Variants in GRM4 observed in about 807,000 individuals in gnomAD.
GRM4 encodes metabotropic glutamate receptor 4.
GRM4 carries 28 observed loss-of-function variants against 81.7 expected under a neutral mutation model. The ratio of observed to expected loss-of-function variants is 0.34; its 90% CI spans 0.25 to 0.47. The LOEUF is 0.47. Among genes scored for constraint, GRM4 ranks in the 20% least tolerant of loss-of-function variants. The pLI is 1.00. For synonymous variants in GRM4, 488 were observed against 528.8 expected, an observed-to-expected ratio of 0.92 and a Z score of 1.06; for missense variants, 948 against 1,290.0, an observed-to-expected ratio of 0.73 and a Z score of 4.06.
At position 34,070,098 on chromosome 6, in the gene GRM4, C is replaced by T. The variant is rs1352761969; in HGVS notation, c.737-8070G>A. ...GCCAGCATGGGCGTGAGGGCAGAGG[C>T]TCTGTAGGAGTTGGAGGTGAACACT... On this transcript the variant is annotated intron_variant, in intron 3 of 10. Coordinates refer to ENST00000538487, the MANE Select transcript of GRM4 (RefSeq NM_000841.4). The surrounding 1 kb of genome is among the most constrained non-coding windows in gnomAD (Gnocchi z 4.6). Among the ~76,000 whole-genome samples the T allele has an allele frequency of 1.3e-5, 2 of 152,244 alleles. No homozygotes were observed. The highest frequency in any genetic ancestry group is 4.8e-5 in the African/African-American group (2 of 41,554).
rs190041478 is a variant in GRM4 at position 34,068,795 on chromosome 6, A to T, written c.737-6767T>A. The stretch of plus-strand genomic sequence containing the variant: ...CTTGGACACTGGGCTCCAGACAAGG[A>T]AGGAGAAAAATCCTCCTCCAGACCC... On this transcript the variant is annotated intron_variant, in intron 3 of 10. Transcript: ENST00000538487. The surrounding 1 kb of genome is among the most constrained non-coding windows in gnomAD (Gnocchi z 4.2). 1.2e-4 allele frequency among the ~76,000 whole-genome samples: 18 copies of T among 152,184 alleles called. No individual in the cohort carries two copies. The East Asian group carries it at 3.5e-3, about 29-fold the overall frequency.
chr6:34,124,845 C>A (rs754723792), intron 2 of GRM4, among the ~76,000 whole-genome samples: 3 of 152,118 alleles, frequency 2.0e-5, no homozygotes, highest in East Asian at 1.9e-4. Context: ...GAGGACCCCC[C>A]CCTAGACTCA....
chr6:34,145,692 G>A (rs1003828490), intron 1 of GRM4, among the ~76,000 whole-genome samples: 1 of 152,218 alleles, frequency 6.6e-6, no homozygotes, highest in African/African-American at 2.4e-5. Context: ...GGGCGAGGGG[G>A]CCGCAGCCGC....
chr6:34,112,211 C>A (rs550953662), intron 2 of GRM4, among the ~76,000 whole-genome samples: 1 of 152,310 alleles, frequency 6.6e-6, no homozygotes, highest in South Asian at 2.1e-4. Flanking sequence ...GGTTATTTAT[C>A]CAACGAGCGA....
At chr6:34,153,460 C>G (rs979612082) in intron 1 of GRM4, among the ~76,000 whole-genome samples, 8 of 152,278 alleles carry the variant, frequency 5.3e-5, no homozygotes, top group Non-Finnish European at 1.2e-4. Context: ...TGCTCCCCAC[C>G]TGTTGACAAA....
rs879579000 is a variant in GRM4 at position 34,069,202 on chromosome 6, ACACG to A, written c.737-7178_737-7175del. ...CACACACACACACACACACACACAC[ACACG>A]CACGCACACACGGCTCCTTCCTTCT... On this transcript the variant is annotated intron_variant, in intron 3 of 10. Transcript: ENST00000538487. The surrounding 1 kb of genome is among the most constrained non-coding windows in gnomAD (Gnocchi z 6.4). 0.028 allele frequency among the ~76,000 whole-genome samples: 3,923 copies of A among 142,182 alleles called. 127 individuals carry two copies. Among genetic ancestry groups the A allele is most frequent in the African/African-American group, 0.081 (2,850 of 35,028 alleles). 93.3% of individuals were successfully genotyped at this position (142,182 alleles called of 152,430 possible). A position where few individuals can be genotyped will look rare whatever the true frequency, so the allele number is the denominator to read the frequency against.
intron 9 of GRM4, 48 bp from the exon 10 acceptor site, chr6:34,028,414 G>A: frequency 6.4e-7 from 1 of 1,574,630 alleles, no homozygotes; most frequent in Non-Finnish European, 8.6e-7. Flanking sequence ...CCCGACTGAG[G>A]GCCCTGACTC....
chr6:34,057,495 C>T (rs1024476918), intron 5 of GRM4, among the ~76,000 whole-genome samples: 6 of 152,210 alleles, frequency 3.9e-5, no homozygotes, highest in Non-Finnish European at 5.9e-5. Context: ...GCACTGTGGA[C>T]GCTCTGGGCG....
chr6:34,047,152 T>C lies in GRM4; in HGVS notation c.1169-6404A>G, dbSNP rs1321771002. 6.6e-6 allele frequency among the ~76,000 whole-genome samples: 1 copy of C among 152,096 alleles called. No individual in the cohort carries two copies. The highest frequency in any genetic ancestry group is 2.1e-4 in the South Asian group (1 of 4,826). On this transcript the variant is annotated intron_variant, in intron 6 of 10. Transcript: ENST00000538487. This position sits in a 1 kb window ranked among gnomAD's most constrained non-coding sequence, Gnocchi z 4.5. ...ACTGAGGGAGATGCAACACCATGTC[T>C]TGTGCACAGAAGTCCTCTCTCAGCC...
intron 2 of GRM4, among the ~76,000 whole-genome samples, chr6:34,101,771 A>G (rs1290025992): frequency 6.6e-6 from 1 of 152,264 alleles, no homozygotes; most frequent in Non-Finnish European, 1.5e-5. Context: ...CATAATTATT[A>G]ATTTCATGCT....
intron 1 of GRM4, among the ~76,000 whole-genome samples, chr6:34,140,980 G>A (rs932035082): frequency 6.6e-6 from 1 of 152,246 alleles, no homozygotes; most frequent in Non-Finnish European, 1.5e-5. Context: ...GAGGCAGTGA[G>A]TGATACCTGA....
chr6:34,026,006 G>A (rs918556226), intron 10 of GRM4, among the ~76,000 whole-genome samples: 4 of 152,144 alleles, frequency 2.6e-5, no homozygotes, highest in Admixed American at 6.5e-5. Flanking sequence ...GAGCCCACCC[G>A]GTGCTGACAA....
At chr6:34,061,733 G>A (rs1020839365) in intron 4 of GRM4, 160 bp downstream of exon 4, 1 of 680,164 alleles carries the variant, frequency 1.5e-6, no homozygotes. Context: ...GCTCTAGCCT[G>A]TGGGTCTCCC....
chr6:34,127,888 C>T (rs1344354976), intron 2 of GRM4, among the ~76,000 whole-genome samples: 3 of 152,160 alleles, frequency 2.0e-5, no homozygotes, highest in African/African-American at 4.8e-5. Context: ...GCCACGTCCT[C>T]GACAGAACAT....
At chr6:34,099,899 C>T (rs1005251138) in intron 2 of GRM4, 5 of 202,690 alleles carry the variant, frequency 2.5e-5, no homozygotes, top group Admixed American at 6.5e-5. Context: ...CCTTCAATAC[C>T]GCCTTCCCCA....
chr6:34,053,769 C>T (rs1029456088), intron 6 of GRM4, among the ~76,000 whole-genome samples: 2 of 152,196 alleles, frequency 1.3e-5, no homozygotes, highest in Non-Finnish European at 2.9e-5. Context: ...CAAATTAAAC[C>T]GGAATGTCTA....
chr6:34,131,178 A>T (rs989024726), intron 2 of GRM4, among the ~76,000 whole-genome samples: 2 of 152,162 alleles, frequency 1.3e-5, no homozygotes, highest in African/African-American at 4.8e-5. Flanking sequence ...CCATTCCCAA[A>T]CCATCCTGCC....
rs984787335 is a variant in GRM4 at position 34,094,827 on chromosome 6, G to A, written c.520-2728C>T. On this transcript the variant is annotated intron_variant, in intron 2 of 10. Coordinates refer to ENST00000538487, the MANE Select transcript of GRM4 (RefSeq NM_000841.4). Reference sequence around the variant, plus strand: ...AGGGCTCAACCCGGGCCACACAGCCGGCGGCAAATGGAAACAGAGGCCCCC... The same window carrying A: ...AGGGCTCAACCCGGGCCACACAGCCAGCGGCAAATGGAAACAGAGGCCCCC... Among the ~76,000 whole-genome samples the A allele has an allele frequency of 6.6e-5, 10 of 152,100 alleles. No individual in the cohort carries two copies. In the East Asian group the frequency reaches 1.4e-3, roughly 21 times the overall value.
Position 34,035,607 on chromosome 6 carries a change from G to A in GRM4, c.2442+61C>T, listed in dbSNP as rs1764648031. The A allele has an allele frequency of 1.9e-6, 2 of 1,033,874 alleles. No homozygotes were observed. The highest frequency in any genetic ancestry group is 1.4e-6 in the Non-Finnish European group (1 of 710,032). 64.0% of individuals were successfully genotyped at this position (1,033,874 alleles called of 1,614,324 possible). A position where few individuals can be genotyped will look rare whatever the true frequency, so the allele number is the denominator to read the frequency against. On this transcript the variant is annotated intron_variant, in intron 9 of 10. Coordinates refer to ENST00000538487, the MANE Select transcript of GRM4 (RefSeq NM_000841.4). The surrounding 1 kb of genome is among the most constrained non-coding windows in gnomAD (Gnocchi z 6.6). The stretch of plus-strand genomic sequence containing the variant: ...GGGGGGAGGCCAGCCAGCCTCAGGA[G>A]GCTGCCCCTTGCTCACTGCCCTCAC...
Sources: gnomAD v4.1 joint callset for allele counts (sites outside exome capture counted in the v4.1 genomes callset) on GRCh38, gnomAD v4.1.1 for gene constraint, Gnocchi (gnomAD v3.1) non-coding constraint, MANE v1.5 for transcripts, NCBI Gene and HGNC (gene_info 2026-07-23, HGNC 2026-07-21) for gene names.